The following GLG1 variants were observed in gnomAD, a reference collection of about 807,000 sequenced individuals.
The protein encoded by GLG1 is Golgi apparatus protein 1.
Under a neutral mutation model 160.5 loss-of-function variants are expected in GLG1, and 38 were observed. That is an observed-to-expected ratio of 0.24 (90% confidence interval 0.18 to 0.31). The LOEUF is 0.31. Ranked by LOEUF, GLG1 falls within the 10% of genes least tolerant of loss-of-function variation. The probability of loss-of-function intolerance (pLI) is 1.00; values close to 1 mark genes in which losing one functional copy is unlikely to be tolerated. For missense variants in GLG1, 1,373 were observed against 1,505.2 expected, an observed-to-expected ratio of 0.91 and a Z score of 1.45; for synonymous variants, 644 against 543.4, an observed-to-expected ratio of 1.19 and a Z score of -2.57.
intron 1 of GLG1, 145 bp from the exon 2 acceptor site, chr16:74,532,298 A>G (rs2017562576): frequency 5.9e-6 from 2 of 338,444 alleles, no homozygotes; most frequent in Non-Finnish European, 1.1e-5. Context: ...TCTTCAACAT[A>G]AGGAGTAAAA....
At chr16:74,605,662 G>A (rs1038041724) in intron 1 of GLG1, among the ~76,000 whole-genome samples, 4 of 152,018 alleles carry the variant, frequency 2.6e-5, no homozygotes, top group Admixed American at 2.0e-4. Context: ...AGATGAAGGG[G>A]GGAAATGCCA....
At chr16:74,575,204 C>T (rs2018967589) in intron 1 of GLG1, among the ~76,000 whole-genome samples, 1 of 151,914 alleles carries the variant, frequency 6.6e-6, no homozygotes, top group South Asian at 2.1e-4. Context: ...TGAGATCACA[C>T]CACTGCACTC....
At chr16:74,567,588 G>A (rs12924604) in intron 1 of GLG1, among the ~76,000 whole-genome samples, 21,538 of 115,140 alleles carry the variant, frequency 0.19, 2,041 homozygotes, top group Middle Eastern at 0.36. Flanking sequence ...TTGAGACGGA[G>A]TCTCGCTCTG....
chr16:74,497,147 G>C (rs2016219316), intron 4 of GLG1, among the ~76,000 whole-genome samples: 1 of 151,892 alleles, frequency 6.6e-6, no homozygotes, highest in Non-Finnish European at 1.5e-5. Context: ...AAATTAGCCA[G>C]GCATGGTGGT....
rs774509400 is a variant in GLG1, at chr16:74,471,324, C to T, written c.2116-38G>A. 21 of 1,129,970 alleles carry T rather than the reference C, an allele frequency of 1.9e-5. No individual in the cohort carries two copies. The Middle Eastern group carries it at 9.7e-4, about 52-fold the overall frequency. The allele number at this position is 1,129,970 out of a possible 1,614,324, so 70.0% of individuals were successfully genotyped here. A position where few individuals can be genotyped will look rare whatever the true frequency, so the allele number is the denominator to read the frequency against. On this transcript the variant is annotated intron_variant, in intron 14 of 25. Transcript: ENST00000422840. ...GCATGCATTTACACTTCATTGGTAA[C>T]AATTAATGAACAAAACTTGTAGCCC...
intron 2 of GLG1, among the ~76,000 whole-genome samples, chr16:74,521,524 A>G (rs1477401891): frequency 6.6e-6 from 1 of 152,158 alleles, no homozygotes; most frequent in East Asian, 1.9e-4. Context: ...TAAGAGGAGA[A>G]GAATCAAGGT....
chr16:74,472,464 A>C, intron 13 of GLG1, 53 bp from the exon 14 acceptor site: 1 of 1,409,350 alleles, frequency 7.1e-7, no homozygotes, highest in Non-Finnish European at 9.9e-7. Context: ...GCCAGGGTGG[A>C]GGAGGAGCAG....
intron 1 of GLG1, among the ~76,000 whole-genome samples, chr16:74,569,318 A>G (rs1029939943): frequency 6.6e-6 from 1 of 152,238 alleles, no homozygotes; most frequent in African/African-American, 2.4e-5. Flanking sequence ...GACATCATAA[A>G]CGATAATCAG....
At chr16:74,593,721 C>A (rs1444596939) in intron 1 of GLG1, among the ~76,000 whole-genome samples, 1 of 151,940 alleles carries the variant, frequency 6.6e-6, no homozygotes, top group Non-Finnish European at 1.5e-5. Context: ...AGGTGTGAGC[C>A]ACCACACCTG....
chr16:74,506,403 C>T (rs1258933134), intron 3 of GLG1, among the ~76,000 whole-genome samples: 1 of 150,760 alleles, frequency 6.6e-6, no homozygotes, highest in African/African-American at 2.4e-5. Flanking sequence ...ACAGTGAAAC[C>T]CCATCTCTAC....
At position 74,487,385 on chromosome 16, in the gene GLG1, T is replaced by C. The variant is rs556766616; in HGVS notation, c.1450-1468A>G. 1.5e-3 allele frequency among the ~76,000 whole-genome samples: 221 copies of C among 151,976 alleles called. 1 individual carries two copies. The South Asian group carries it at 0.016, about 11-fold the overall frequency. ...CTTCACTGGAGCACCTGTGGGATCATAGGTTAGATCACAAATTTATCAGAG... is the reference window on the plus strand; with the variant it reads ...CTTCACTGGAGCACCTGTGGGATCACAGGTTAGATCACAAATTTATCAGAG... On this transcript the variant is annotated intron_variant, in intron 8 of 25. Coordinates refer to ENST00000422840, the MANE Select transcript of GLG1 (RefSeq NM_001145667.2).
At chr16:74,584,826 G>C (rs557076593) in intron 1 of GLG1, among the ~76,000 whole-genome samples, 2 of 152,196 alleles carry the variant, frequency 1.3e-5, no homozygotes, top group African/African-American at 2.4e-5. Context: ...TGAGGCAGGA[G>C]AATCTATTGA....
intron 19 of GLG1, 105 bp from the exon 20 acceptor site, chr16:74,463,584 G>T: frequency 1.7e-6 from 2 of 1,143,558 alleles, no homozygotes; most frequent in African/African-American, 1.5e-5. Context: ...GTGTCACCCA[G>T]GCTGGAGTGC....
intron 1 of GLG1, among the ~76,000 whole-genome samples, chr16:74,542,623 G>C (rs1249009356): frequency 6.8e-6 from 1 of 147,140 alleles, no homozygotes; most frequent in East Asian, 2.1e-4. Flanking sequence ...AGTGAGCCGA[G>C]ATTGCATCAT....
chr16:74,519,499 T>C (rs1259860335), intron 2 of GLG1, among the ~76,000 whole-genome samples: 2 of 151,478 alleles, frequency 1.3e-5, no homozygotes, highest in Admixed American at 6.6e-5. Context: ...AAAAAAAGTA[T>C]AGTACATACG....
chr16:74,458,864 A>G (rs1407325516), intron 23 of GLG1, among the ~76,000 whole-genome samples: 1 of 152,218 alleles, frequency 6.6e-6, no homozygotes, highest in Non-Finnish European at 1.5e-5. Flanking sequence ...TGGAACTGAA[A>G]TCAACTCTGC....
intron 1 of GLG1, among the ~76,000 whole-genome samples, chr16:74,570,265 T>C (rs1400371914): frequency 6.6e-6 from 1 of 152,166 alleles, no homozygotes; most frequent in African/African-American, 2.4e-5. Context: ...TAAACTTTGG[T>C]GCAAAAACAT....
intron 1 of GLG1, among the ~76,000 whole-genome samples, chr16:74,602,662 A>G (rs1958466812): frequency 6.6e-6 from 1 of 152,138 alleles, no homozygotes; most frequent in Admixed American, 6.6e-5. Flanking sequence ...GGATGCCTGT[A>G]GTCCCAGCTA....
At position 74,460,498 on chromosome 16, in the gene GLG1, A is replaced by G. The variant is rs534646559; in HGVS notation, c.3037-709T>C. On this transcript the variant is annotated intron_variant, in intron 22 of 25. Transcript: ENST00000422840. ...AAAGCAGATGAGTCCGGTGATTCCA[A>G]TCAGCTCTGGACACCGCAGGATCTG... Among the ~76,000 whole-genome samples, 134 of 152,324 alleles carry G rather than the reference A, an allele frequency of 8.8e-4. 1 individual carries two copies. The highest frequency in any genetic ancestry group is 1.7e-3 in the Non-Finnish European group (114 of 68,022).
Sources: gnomAD v4.1 joint callset for allele counts (sites outside exome capture counted in the v4.1 genomes callset) on GRCh38, gnomAD v4.1.1 for gene constraint, MANE v1.5 for transcripts, NCBI Gene and HGNC (gene_info 2026-07-23, HGNC 2026-07-21) for gene names.